PDZD8: variants seen among roughly 807,000 people sequenced by gnomAD.
PDZD8 encodes the protein PDZ domain containing 8.
Under a neutral mutation model 85.8 loss-of-function variants are expected in PDZD8, and 14 were observed. The observed-to-expected ratio is 0.16, with a 90% CI of 0.11 to 0.26. The LOEUF is 0.26. PDZD8 is among the 10% of genes least tolerant of loss of function. The pLI is 1.00. For missense variants in PDZD8, 1,197 were observed against 1,424.3 expected (o/e 0.84, Z 2.57); for synonymous variants, 592 against 568.6 (o/e 1.04, Z -0.59).
chr10:117,315,568 C>T (rs756720416), intron 3 of PDZD8, among the ~76,000 whole-genome samples: 27 of 121,200 alleles, frequency 2.2e-4, no homozygotes, highest in Non-Finnish European at 2.7e-4. Context: ...CCAGTCTGGG[C>T]GACAGAGCTA....
intron 1 of PDZD8, among the ~76,000 whole-genome samples, chr10:117,372,494 T>C (rs1845211318): frequency 6.6e-6 from 1 of 152,200 alleles, no homozygotes. Flanking sequence ...CAAATTGTAT[T>C]AACTGAAAGC....
intron 1 of PDZD8, among the ~76,000 whole-genome samples, chr10:117,350,172 T>A (rs987620529): frequency 5.0e-4 from 76 of 152,088 alleles, no homozygotes; most frequent in Non-Finnish European, 1.5e-4. Context: ...AGAGGTTAAG[T>A]AACTTGCTCA....
chr10:117,294,066 T>A (rs73394930), intron 3 of PDZD8, among the ~76,000 whole-genome samples: 3,357 of 152,202 alleles, frequency 0.022, 129 homozygotes, highest in African/African-American at 0.076. Flanking sequence ...TAGAGGAAAT[T>A]TATAGTTTTA....
At chr10:117,357,954 G>A (rs1222843184) in intron 1 of PDZD8, among the ~76,000 whole-genome samples, 2 of 151,968 alleles carry the variant, frequency 1.3e-5, no homozygotes, top group South Asian at 4.1e-4. Flanking sequence ...AAATACGTGG[G>A]ATTTGCTTCA....
rs1845258383 is a variant in PDZD8 at position 117,374,610 on chromosome 10, G to T, written c.618C>A (p.Ile206=). ...ACTTGCCGAAGACCAGGTCCACGTC[G>T]ATGGCCAGGTGGAAGCCCCCGTTGT... ...VEYNGGFHLA[I]DVDLVFGKSA... The change falls in exon 1 of 5, where the codon ATC becomes ATA. Residue 206 remains isoleucine (I), a synonymous_variant. Coordinates refer to ENST00000334464, the MANE Select transcript of PDZD8 (RefSeq NM_173791.5). The surrounding 1 kb of genome is among the most constrained non-coding windows in gnomAD (Gnocchi z 7.8). 3 of 1,587,986 alleles carry T rather than the reference G, an allele frequency of 1.9e-6. No individual in the cohort carries two copies. Among genetic ancestry groups the T allele is most frequent in the Non-Finnish European group, 2.6e-6 (3 of 1,166,766 alleles).
At position 117,285,192 on chromosome 10, in the gene PDZD8, T is replaced by A; in HGVS notation, c.1541A>T (p.Glu514Val). 10 of 1,614,202 alleles carry A rather than the reference T, an allele frequency of 6.2e-6. No homozygotes were observed. Among genetic ancestry groups the A allele is most frequent in the Non-Finnish European group, 8.5e-6 (10 of 1,180,026 alleles). Reference sequence around the variant, plus strand: ...GGGACTATGACTTAATGATTGTGCCTCATCTTTGAACTCATTTTGTGCTCT... The same window carrying A: ...GGGACTATGACTTAATGATTGTGCCACATCTTTGAACTCATTTTGTGCTCT... ...DVRAQNEFKDEAQSLSHSPKR... is the reference protein window; with the variant it reads ...DVRAQNEFKDVAQSLSHSPKR... The change falls in exon 5 of 5, where the codon GAG (glutamate) becomes GTG (valine). Residue 514 changes from glutamate to valine, a missense_variant. Transcript: ENST00000334464.
intron 1 of PDZD8, among the ~76,000 whole-genome samples, chr10:117,362,458 AC>A (rs1411144986): frequency 1.3e-5 from 2 of 152,138 alleles, no homozygotes; most frequent in African/African-American, 4.8e-5. Flanking sequence ...CAGAAATAAA[AC>A]AGGAATTCCT....
intron 2 of PDZD8, among the ~76,000 whole-genome samples, chr10:117,323,309 A>C (rs1248753334): frequency 2.0e-5 from 3 of 152,226 alleles, no homozygotes; most frequent in African/African-American, 7.2e-5. Flanking sequence ...AAAGCTAAAA[A>C]TGCAAGATAA....
intron 2 of PDZD8, among the ~76,000 whole-genome samples, chr10:117,334,494 G>T (rs1455388678): frequency 6.6e-6 from 1 of 152,042 alleles, no homozygotes; most frequent in Non-Finnish European, 1.5e-5. Flanking sequence ...GGGTGACAGA[G>T]CAAGACCCTG....
rs770441095 is a variant in PDZD8, at chr10:117,284,719, T to A, written c.2014A>T (p.Ser672Cys). ...TSETSCPTKD[S>C]SDDRQTWESS... Reference sequence around the variant, plus strand: ...TCCCATGTTTGACGGTCGTCCGAACTGTCCTTAGTAGGGCAGGAAGTTTCT... The same window carrying A: ...TCCCATGTTTGACGGTCGTCCGAACAGTCCTTAGTAGGGCAGGAAGTTTCT... The change falls in exon 5 of 5, where the codon AGT becomes TGT. Residue 672 changes from serine (S) to cysteine (C), a missense_variant. Physicochemically the swap from Ser to Cys is moderately radical, Grantham distance 112 (BLOSUM62 -1). Transcript: ENST00000334464. 4 of 1,614,138 alleles carry A rather than the reference T, an allele frequency of 2.5e-6. No homozygotes were observed. Among genetic ancestry groups the A allele is most frequent in the Non-Finnish European group, 3.4e-6 (4 of 1,180,048 alleles).
At chr10:117,362,116 A>C (rs1174642401) in intron 1 of PDZD8, among the ~76,000 whole-genome samples, 1 of 152,146 alleles carries the variant, frequency 6.6e-6, no homozygotes, top group Non-Finnish European at 1.5e-5. Context: ...ACATCTTCTA[A>C]AGTACATAAA....
intron 1 of PDZD8, among the ~76,000 whole-genome samples, chr10:117,348,928 G>A (rs996273663): frequency 6.6e-6 from 1 of 152,178 alleles, no homozygotes; most frequent in Non-Finnish European, 1.5e-5. Context: ...TGACAAAGGA[G>A]GCTCATGGTT....
intron 2 of PDZD8, 80 bp downstream of exon 2, chr10:117,340,900 C>T: frequency 6.8e-7 from 1 of 1,469,926 alleles, no homozygotes; most frequent in South Asian, 1.3e-5. Context: ...TAAATGAACA[C>T]ACAACACAAA....
intron 3 of PDZD8, among the ~76,000 whole-genome samples, chr10:117,309,611 T>G (rs961656813): frequency 6.6e-6 from 1 of 152,072 alleles, no homozygotes; most frequent in Non-Finnish European, 1.5e-5. Flanking sequence ...GACTCTATTT[T>G]CCATTTCCAT....
intron 2 of PDZD8, among the ~76,000 whole-genome samples, chr10:117,327,513 A>G (rs978706518): frequency 1.3e-5 from 2 of 152,184 alleles, no homozygotes; most frequent in Admixed American, 6.5e-5. Flanking sequence ...CCAAGAAGTA[A>G]CTTATGTTAA....
intron 1 of PDZD8, among the ~76,000 whole-genome samples, chr10:117,372,799 A>G (rs1416530282): frequency 1.3e-5 from 2 of 152,342 alleles, no homozygotes; most frequent in Non-Finnish European, 1.5e-5. Context: ...CGCAAGTTTT[A>G]AACTGTCACT....
intron 3 of PDZD8, among the ~76,000 whole-genome samples, chr10:117,311,019 G>A (rs1564695506): frequency 1.3e-5 from 2 of 152,140 alleles, no homozygotes; most frequent in African/African-American, 4.8e-5. Context: ...GCTTGTAGGT[G>A]CATTCAATTT....
At chr10:117,290,559 C>G (rs761277458) in intron 3 of PDZD8, among the ~76,000 whole-genome samples, 37 of 152,108 alleles carry the variant, frequency 2.4e-4, no homozygotes, top group Admixed American at 2.0e-4. Flanking sequence ...AAATTAAACA[C>G]TTTATCTTCA....
intron 3 of PDZD8, among the ~76,000 whole-genome samples, chr10:117,299,015 C>A (rs899746247): frequency 7.2e-5 from 11 of 152,070 alleles, no homozygotes; most frequent in African/African-American, 2.7e-4. Context: ...CCCTCCATAT[C>A]CATCACAGTC....
Sources: allele counts gnomAD v4.1 joint callset (sites outside exome capture counted in the v4.1 genomes callset), GRCh38; gene constraint gnomAD v4.1.1; non-coding constraint Gnocchi (gnomAD v3.1); transcripts MANE v1.5; gene names NCBI Gene and HGNC (gene_info 2026-07-23, HGNC 2026-07-21).